The following SUPT3H variants were observed in gnomAD, a reference collection of about 807,000 sequenced individuals.
SUPT3H encodes SPT3 homolog, SAGA and STAGA complex component.
SUPT3H carries 44 observed loss-of-function variants against 44.3 expected under a neutral mutation model. The observed-to-expected ratio is 0.99, with a 90% CI of 0.78 to 1.28. The LOEUF (loss-of-function observed/expected upper bound fraction) is 1.28, where lower values mean the gene tolerates loss of function less well. SUPT3H is among the 50% of genes most tolerant of loss of function. The pLI is 0.00. For missense variants in SUPT3H, 380 were observed against 387.1 expected, an observed-to-expected ratio of 0.98 and a Z score of 0.15; for synonymous variants, 124 against 125.6, an observed-to-expected ratio of 0.99 and a Z score of 0.09.
intron 2 of SUPT3H, among the ~76,000 whole-genome samples, chr6:45,108,677 AG>A (rs34852653): frequency 2.0e-5 from 3 of 152,204 alleles, no homozygotes; most frequent in African/African-American, 7.2e-5. Flanking sequence ...TAGCACCACA[AG>A]GAACTTTCTC....
chr6:44,961,871 T>C (rs1186135368), intron 6 of SUPT3H, 43 bp from the exon 7 acceptor site: 1 of 1,455,964 alleles, frequency 6.9e-7, no homozygotes, highest in Non-Finnish European at 9.5e-7. Context: ...GCAAGCAGAT[T>C]ATTATATATG....
Position 44,925,445 on chromosome 6 carries a change from G to A in SUPT3H, c.912+7208C>T, listed in dbSNP as rs561702627. 2.6e-5 allele frequency among the ~76,000 whole-genome samples: 4 copies of A among 152,276 alleles called. No individual in the cohort carries two copies. The South Asian group carries it at 8.3e-4, about 32-fold the overall frequency. ...TAGAAAGTTACCTGATAACATGCAAGTTCAGAGGGTTAACATTTTTCTACT... is the reference window on the plus strand; with the variant it reads ...TAGAAAGTTACCTGATAACATGCAAATTCAGAGGGTTAACATTTTTCTACT... On this transcript the variant is annotated intron_variant, in intron 10 of 10. Transcript: ENST00000371459.
At chr6:44,933,099 T>A (rs939416703) in intron 9 of SUPT3H, among the ~76,000 whole-genome samples, 48 of 151,766 alleles carry the variant, frequency 3.2e-4, no homozygotes, top group East Asian at 1.3e-3. Context: ...GTTATTTTTT[T>A]AAAAAAAACA....
At chr6:45,220,030 G>C (rs1253265048) in intron 2 of SUPT3H, among the ~76,000 whole-genome samples, 2 of 96,674 alleles carry the variant, frequency 2.1e-5, no homozygotes, top group Non-Finnish European at 3.7e-5. Flanking sequence ...CCGAGAGAGA[G>C]ACTCTGTCTC....
chr6:45,126,483 A>G (rs1326233289), intron 2 of SUPT3H, among the ~76,000 whole-genome samples: 3 of 152,196 alleles, frequency 2.0e-5, no homozygotes, highest in African/African-American at 2.4e-5. Flanking sequence ...TTTAAAACAA[A>G]TTAAAACGGT....
At chr6:45,367,166 T>C (rs1302969376) in intron 1 of SUPT3H, among the ~76,000 whole-genome samples, 1 of 152,114 alleles carries the variant, frequency 6.6e-6, no homozygotes, top group East Asian at 1.9e-4. Flanking sequence ...GCTAGGTGAC[T>C]AGGTTTGGAA....
chr6:44,870,807 G>A (rs544205695), intron 10 of SUPT3H, among the ~76,000 whole-genome samples: 7,549 of 151,316 alleles, frequency 0.05, 288 homozygotes, highest in Non-Finnish European at 0.077. Context: ...TGCGCGAGCT[G>A]AAGCAGGGCG....
intron 6 of SUPT3H, among the ~76,000 whole-genome samples, chr6:44,967,513 T>C (rs1287919798): frequency 6.6e-6 from 1 of 152,242 alleles, no homozygotes; most frequent in Non-Finnish European, 1.5e-5. Flanking sequence ...AAGTTGATTG[T>C]GCCTTTGAAA....
At chr6:45,292,106 C>A (rs1407258468) in intron 2 of SUPT3H, among the ~76,000 whole-genome samples, 1 of 152,168 alleles carries the variant, frequency 6.6e-6, no homozygotes, top group Non-Finnish European at 1.5e-5. Flanking sequence ...AGAAACCCTA[C>A]AAGCTAGGAG....
At chr6:45,051,232 A>G (rs1790255224) in intron 3 of SUPT3H, among the ~76,000 whole-genome samples, 1 of 152,132 alleles carries the variant, frequency 6.6e-6, no homozygotes, top group Non-Finnish European at 1.5e-5. Flanking sequence ...GTTGGGGAAT[A>G]GACAGTTAAG....
At chr6:45,324,069 T>A (rs1399625872) in intron 2 of SUPT3H, among the ~76,000 whole-genome samples, 1 of 152,026 alleles carries the variant, frequency 6.6e-6, no homozygotes, top group Non-Finnish European at 1.5e-5. Context: ...TCCTCAGCTG[T>A]CATATGAGCA....
intron 2 of SUPT3H, among the ~76,000 whole-genome samples, chr6:45,128,692 C>CTTT (rs200994462): frequency 1.4e-5 from 2 of 141,126 alleles, no homozygotes; most frequent in African/African-American, 5.3e-5. Flanking sequence ...TTAAAAGATT[C>CTTT]TTTTTTTTTT....
intron 5 of SUPT3H, among the ~76,000 whole-genome samples, chr6:45,008,553 C>T (rs1233527525): frequency 2.0e-5 from 3 of 151,788 alleles, no homozygotes; most frequent in East Asian, 1.9e-4. Context: ...TGGGGTCTTG[C>T]TTTGTTGCCC....
chr6:44,994,862 A>G (rs1463353979), intron 6 of SUPT3H, among the ~76,000 whole-genome samples: 2 of 152,074 alleles, frequency 1.3e-5, no homozygotes, highest in African/African-American at 4.8e-5. Flanking sequence ...TTGAAGCCAA[A>G]TCTACCTCTG....
intron 2 of SUPT3H, among the ~76,000 whole-genome samples, chr6:45,111,286 C>T (rs1023735575): frequency 6.6e-6 from 1 of 152,110 alleles, no homozygotes; most frequent in Non-Finnish European, 1.5e-5. Flanking sequence ...CCACCTCAGC[C>T]TCCCAAAGTG....
In SUPT3H at chr6:44,968,149, C is replaced by T. The variant is rs1489671082; in HGVS notation, c.505-6321G>A. Among the ~76,000 whole-genome samples, 3 of 152,172 alleles carry T rather than the reference C, an allele frequency of 2.0e-5. No homozygotes were observed. In the East Asian group the frequency reaches 5.8e-4, roughly 29 times the overall value. ...TCTTAAAAGTCTTACAATTGAAATG[C>T]AGAGTCCTTTTTGCATGGAAAAGGC... On this transcript the variant is annotated intron_variant, in intron 6 of 10. Transcript: ENST00000371459.
intron 2 of SUPT3H, among the ~76,000 whole-genome samples, chr6:45,207,929 A>AGTTTTACT (rs1763449286): frequency 6.6e-6 from 1 of 152,184 alleles, no homozygotes; most frequent in African/African-American, 2.4e-5. Context: ...TGAAAGTTAA[A>AGTTTTACT]GTTTTACTTC....
At chr6:44,898,635 C>A (rs1764474584) in intron 10 of SUPT3H, 1 of 152,366 alleles carries the variant, frequency 6.6e-6, no homozygotes, top group Non-Finnish European at 1.5e-5. Flanking sequence ...CAATAGAAAC[C>A]AGGCCTCCCA....
At chr6:44,881,924 G>A (rs1462314034) in intron 10 of SUPT3H, among the ~76,000 whole-genome samples, 2 of 152,098 alleles carry the variant, frequency 1.3e-5, no homozygotes, top group African/African-American at 4.8e-5. Flanking sequence ...AATGCCCACA[G>A]GAGAAAGTGG....
Sources: gnomAD v4.1 joint callset for allele counts (sites outside exome capture counted in the v4.1 genomes callset) on GRCh38, gnomAD v4.1.1 for gene constraint, MANE v1.5 for transcripts, NCBI Gene and HGNC (gene_info 2026-07-23, HGNC 2026-07-21) for gene names.